The following HSD17B12 variants were observed in gnomAD, a reference collection of about 807,000 sequenced individuals.
The protein encoded by HSD17B12 is very-long-chain 3-oxoacyl-CoA reductase.
HSD17B12 carries 32 observed loss-of-function variants against 39.3 expected under a neutral mutation model. The observed-to-expected ratio is 0.81, with a 90% CI of 0.61 to 1.09. The LOEUF (loss-of-function observed/expected upper bound fraction) is 1.09, where lower values mean the gene tolerates loss of function less well. Ranked by LOEUF, HSD17B12 falls within the 50% of genes least tolerant of loss-of-function variation. The probability of loss-of-function intolerance (pLI) is 0.00; values close to 1 mark genes in which losing one functional copy is unlikely to be tolerated. For missense variants in HSD17B12, 342 were observed against 382.9 expected, an observed-to-expected ratio of 0.89 and a Z score of 0.89; for synonymous variants, 150 against 146.7, an observed-to-expected ratio of 1.02 and a Z score of -0.16.
At chr11:43,689,161 A>C (rs765270946) in intron 1 of HSD17B12, among the ~76,000 whole-genome samples, 1 of 152,214 alleles carries the variant, frequency 6.6e-6, no homozygotes, top group Non-Finnish European at 1.5e-5. Flanking sequence ...CTAAGATAGG[A>C]AGGACTTCAA....
chr11:43,707,962 C>T (rs1195773628), intron 1 of HSD17B12, among the ~76,000 whole-genome samples: 1 of 152,140 alleles, frequency 6.6e-6, no homozygotes, highest in Non-Finnish European at 1.5e-5. Context: ...GGGATTTTTC[C>T]TGGTTTGCAG....
At chr11:43,810,628 G>A (rs1590319645) in intron 4 of HSD17B12, among the ~76,000 whole-genome samples, 1 of 151,810 alleles carries the variant, frequency 6.6e-6, no homozygotes, top group South Asian at 2.1e-4. Flanking sequence ...TTTCACCTCT[G>A]TTCTCTGCCT....
intron 3 of HSD17B12, among the ~76,000 whole-genome samples, chr11:43,762,088 T>C (rs986740562): frequency 3.3e-5 from 5 of 152,114 alleles, no homozygotes; most frequent in African/African-American, 1.2e-4. Context: ...TTCTGTGGGA[T>C]CAGTAGGAAA....
the HSD17B12 span, among the ~76,000 whole-genome samples, chr11:43,596,229 A>G: frequency 1.3e-5 from 2 of 152,140 alleles, no homozygotes; most frequent in African/African-American, 4.8e-5. Flanking sequence ...CTGAGGCAGC[A>G]TGAGAGGCAC....
chr11:43,826,365 G>A (rs1951240642), intron 6 of HSD17B12, among the ~76,000 whole-genome samples: 1 of 152,130 alleles, frequency 6.6e-6, no homozygotes. Flanking sequence ...TTACAGGCAT[G>A]AGCCACTGTG....
At chr11:43,593,241 C>G in the HSD17B12 span, among the ~76,000 whole-genome samples, 1 of 152,312 alleles carries the variant, frequency 6.6e-6, no homozygotes, top group Non-Finnish European at 1.5e-5. Flanking sequence ...TCATGTGGCT[C>G]AGGCTGACCA....
chr11:43,849,249 G>A (rs2135144777), intron 9 of HSD17B12, among the ~76,000 whole-genome samples: 1 of 152,288 alleles, frequency 6.6e-6, no homozygotes, highest in Non-Finnish European at 1.5e-5. Flanking sequence ...AGGTTGCAGT[G>A]AGCTGAGATC....
chr11:43,698,393 C>G (rs1028860925), intron 1 of HSD17B12, among the ~76,000 whole-genome samples: 1 of 152,282 alleles, frequency 6.6e-6, no homozygotes, highest in Admixed American at 6.5e-5. Flanking sequence ...ATTTTATAGT[C>G]TACAGAAAAG....
At chr11:43,826,240 G>T (rs1217210737) in intron 6 of HSD17B12, among the ~76,000 whole-genome samples, 1 of 151,694 alleles carries the variant, frequency 6.6e-6, no homozygotes, top group South Asian at 2.1e-4. Flanking sequence ...CCACCACCAC[G>T]CCCGGCTAAT....
chr11:43,700,120 G>A (rs1265462647), intron 1 of HSD17B12, among the ~76,000 whole-genome samples: 2 of 152,280 alleles, frequency 1.3e-5, no homozygotes, highest in East Asian at 3.9e-4. Flanking sequence ...ATGGGGAGGA[G>A]CCTGAGTTCC....
chr11:43,603,168 C>CTTTATTT, the HSD17B12 span, among the ~76,000 whole-genome samples: 4 of 152,206 alleles, frequency 2.6e-5, no homozygotes, highest in African/African-American at 9.6e-5. Flanking sequence ...TCTCCTGAGA[C>CTTTATTT]TTTATTTTTT....
intron 6 of HSD17B12, among the ~76,000 whole-genome samples, chr11:43,819,890 A>G (rs1386049327): frequency 6.6e-6 from 1 of 152,216 alleles, no homozygotes; most frequent in Non-Finnish European, 1.5e-5. Context: ...TATCTTTAAT[A>G]TGAATCTGAA....
chr11:43,814,645 GT>G (rs1951104162), intron 4 of HSD17B12, among the ~76,000 whole-genome samples: 1 of 152,096 alleles, frequency 6.6e-6, no homozygotes, highest in African/African-American at 2.4e-5. Flanking sequence ...GTAAGGGGGT[GT>G]GGTATAAGGA....
At chr11:43,709,661 A>C (rs1016977469) in intron 1 of HSD17B12, among the ~76,000 whole-genome samples, 1 of 152,146 alleles carries the variant, frequency 6.6e-6, no homozygotes, top group Non-Finnish European at 1.5e-5. Flanking sequence ...TAATTTTTTA[A>C]ATTTTTTGAA....
rs1951305254 is a variant in HSD17B12, at chr11:43,831,075, C to G, written c.536+65C>G. On this transcript the variant is annotated intron_variant, in intron 7 of 10. Coordinates refer to ENST00000278353, the MANE Select transcript of HSD17B12 (RefSeq NM_016142.3). The surrounding 1 kb of genome is among the most constrained non-coding windows in gnomAD (Gnocchi z 4.1). ...GCTCATGATTATTTAGAGGGAGAAT[C>G]CTTGCTTTGAAAAAATCACTGAAGT... is the stretch of plus-strand genomic sequence containing the variant. The G allele has an allele frequency of 2.8e-6, 4 of 1,450,086 alleles. No homozygotes were observed. Among genetic ancestry groups the G allele is most frequent in the South Asian group, 1.3e-5 (1 of 79,506 alleles). The allele number at this position is 1,450,086 out of a possible 1,614,324, so 89.8% of individuals were successfully genotyped here. A position where few individuals can be genotyped will look rare whatever the true frequency, so the allele number is the denominator to read the frequency against.
At chr11:43,574,737 T>A in the HSD17B12 span, among the ~76,000 whole-genome samples, 1 of 152,124 alleles carries the variant, frequency 6.6e-6, no homozygotes, top group African/African-American at 2.4e-5. Context: ...ATTGAGCTCA[T>A]TTTTCAGGGA....
intron 6 of HSD17B12, among the ~76,000 whole-genome samples, chr11:43,821,149 T>A (rs771065477): frequency 2.0e-5 from 3 of 152,198 alleles, no homozygotes; most frequent in Non-Finnish European, 4.4e-5. Context: ...GTTCTCCAGT[T>A]TCATCCGATG....
chr11:43,575,795 A>G, the HSD17B12 span, among the ~76,000 whole-genome samples: 1 of 152,230 alleles, frequency 6.6e-6, no homozygotes, highest in South Asian at 2.1e-4. The surrounding 1 kb of genome is among the most constrained non-coding windows in gnomAD (Gnocchi z 4.1). Context: ...CGCTGCCTTC[A>G]TGAGTCTATT....
At chr11:43,772,062 A>G (rs147499552) in intron 3 of HSD17B12, among the ~76,000 whole-genome samples, 1 of 152,190 alleles carries the variant, frequency 6.6e-6, no homozygotes, top group Admixed American at 6.6e-5. Context: ...AAAGCTGAAC[A>G]TCTAACCTTT....
Sources: gnomAD v4.1 joint callset for allele counts (sites outside exome capture counted in the v4.1 genomes callset) on GRCh38, gnomAD v4.1.1 for gene constraint, Gnocchi (gnomAD v3.1) non-coding constraint, MANE v1.5 for transcripts, NCBI Gene and HGNC (gene_info 2026-07-23, HGNC 2026-07-21) for gene names.